The following CYTH1 variants were observed in gnomAD, a reference collection of about 807,000 sequenced individuals.
The protein encoded by CYTH1 is cytohesin 1.
In CYTH1, 18 loss-of-function variants were observed where a neutral mutation model predicts 61.8. That is an observed-to-expected ratio of 0.29 (90% CI 0.20 to 0.43). The LOEUF is 0.43. Ranked by LOEUF, CYTH1 falls within the 20% of genes least tolerant of loss-of-function variation. The pLI, the probability that CYTH1 is intolerant of heterozygous loss-of-function variation, is 1.00. For synonymous variants in CYTH1, 174 were observed against 184.3 expected (o/e 0.94, Z 0.45); for missense variants, 336 against 510.5 (o/e 0.66, Z 3.29).
At chr17:78,698,204 C>T (rs1023999011) in intron 9 of CYTH1, 65 bp downstream of exon 9, 33 of 1,347,746 alleles carry the variant, frequency 2.4e-5, no homozygotes, top group Admixed American at 8.7e-5. Context: ...CACGCACACA[C>T]GCACACACAC....
At chr17:78,780,072 A>G (rs548273394) in intron 1 of CYTH1, among the ~76,000 whole-genome samples, 1 of 152,382 alleles carries the variant, frequency 6.6e-6, no homozygotes, top group East Asian at 1.9e-4. Context: ...GGTAGGCAGG[A>G]CACTGGGATC....
At chr17:78,719,480 G>C (rs946788887) in intron 1 of CYTH1, among the ~76,000 whole-genome samples, 1 of 152,140 alleles carries the variant, frequency 6.6e-6, no homozygotes, top group African/African-American at 2.4e-5. Context: ...GATCATTACT[G>C]CAAGTGGAGA....
chr17:78,709,764 G>T, intron 1 of CYTH1, 32 bp from the exon 2 acceptor site: 1 of 1,606,246 alleles, frequency 6.2e-7, no homozygotes, highest in Non-Finnish European at 8.5e-7. Flanking sequence ...TTACAAGAAA[G>T]CTTTTATCTC....
intron 1 of CYTH1, among the ~76,000 whole-genome samples, chr17:78,748,543 T>C (rs1323420027): frequency 1.3e-5 from 2 of 152,228 alleles, no homozygotes; most frequent in Admixed American, 6.5e-5. Context: ...TTTTATTACT[T>C]GAGAGAATAC....
chr17:78,701,993 A>C lies in CYTH1; in HGVS notation c.356+129T>G, dbSNP rs527245127. 1.1e-4 allele frequency: 94 copies of C among 830,186 alleles called. No individual in the cohort carries two copies. In the African/African-American group the frequency reaches 1.4e-3, roughly 12 times the overall value. 51.4% of individuals were successfully genotyped at this position (830,186 alleles called of 1,614,324 possible). On this transcript the variant is annotated intron_variant, in intron 5 of 13. Transcript: ENST00000446868. ...TATTCCCCAGAAAAGCCTCCCCTCA[A>C]CTCCAGTGGGGCTACAGATGCTTTA...
At chr17:78,719,939 G>A (rs1017626190) in intron 1 of CYTH1, among the ~76,000 whole-genome samples, 1 of 152,144 alleles carries the variant, frequency 6.6e-6, no homozygotes, top group African/African-American at 2.4e-5. Flanking sequence ...AAAAAGGAAG[G>A]AAATTCTGAT....
chr17:78,725,888 A>AGGC (rs1487213224), intron 1 of CYTH1, among the ~76,000 whole-genome samples: 1 of 152,202 alleles, frequency 6.6e-6, no homozygotes, highest in Non-Finnish European at 1.5e-5. Flanking sequence ...TGAACAAAAC[A>AGGC]GATGCCACAA....
chr17:78,752,577 T>C (rs2093384656), intron 1 of CYTH1, among the ~76,000 whole-genome samples: 2 of 152,042 alleles, frequency 1.3e-5, no homozygotes, highest in Admixed American at 6.6e-5. Context: ...AGACTACAGG[T>C]GCGCGCCACC....
In CYTH1 at chr17:78,757,118, T is replaced by C. The variant is rs369495651; in HGVS notation, c.22+25084A>G. ...GCCCGCCACCATACCCAGCTAATTT[T>C]TTCATACTTTTAGTAGAGACAAGGT... On this transcript the variant is annotated intron_variant, in intron 1 of 13. Coordinates refer to ENST00000446868, the MANE Select transcript of CYTH1 (RefSeq NM_004762.6). Among the ~76,000 whole-genome samples, 17 of 152,046 alleles carry C rather than the reference T, an allele frequency of 1.1e-4. No individual in the cohort carries two copies. In the East Asian group the frequency reaches 1.9e-3, roughly 17 times the overall value.
At chr17:78,771,729 T>TAAAAAAAAAAAAAA (rs752607880) in intron 1 of CYTH1, among the ~76,000 whole-genome samples, 1 of 117,820 alleles carries the variant, frequency 8.5e-6, no homozygotes. Flanking sequence ...GATTCCATCT[T>TAAAAAAAAAAAAAA]AAAAAAAAAA....
chr17:78,714,503 G>A (rs1489509739), intron 1 of CYTH1, among the ~76,000 whole-genome samples: 1 of 152,144 alleles, frequency 6.6e-6, no homozygotes, highest in Non-Finnish European at 1.5e-5. Context: ...TGTTGTGTTT[G>A]TGGTACTCAG....
intron 1 of CYTH1, among the ~76,000 whole-genome samples, chr17:78,731,264 C>A (rs1348424304): frequency 6.6e-6 from 1 of 152,154 alleles, no homozygotes; most frequent in Non-Finnish European, 1.5e-5. Flanking sequence ...ATTTGCAGAA[C>A]TGACCAGGGC....
intron 3 of CYTH1, among the ~76,000 whole-genome samples, chr17:78,703,777 C>T (rs2093037560): frequency 6.6e-6 from 1 of 152,198 alleles, no homozygotes; most frequent in African/African-American, 2.4e-5. Flanking sequence ...TGCCTTCTTG[C>T]TGCTGGGTCA....
chr17:78,727,206 G>A (rs892093006), intron 1 of CYTH1, among the ~76,000 whole-genome samples: 2 of 152,136 alleles, frequency 1.3e-5, no homozygotes, highest in Non-Finnish European at 2.9e-5. Context: ...AAATCACCTG[G>A]GCCACAGGCT....
intron 1 of CYTH1, among the ~76,000 whole-genome samples, chr17:78,746,025 T>G (rs1333556413): frequency 1.3e-5 from 2 of 152,252 alleles, no homozygotes; most frequent in African/African-American, 4.8e-5. Context: ...AGGGCTTTGT[T>G]AATATCAACA....
At position 78,760,511 on chromosome 17, in the gene CYTH1, A is replaced by G. The variant is rs1234596010; in HGVS notation, c.22+21691T>C. Among the ~76,000 whole-genome samples the G allele has an allele frequency of 3.6e-4, 18 of 50,464 alleles. 4 individuals carry two copies. The highest frequency in any genetic ancestry group is 1.3e-3 in the African/African-American group (15 of 11,946). The allele number at this position is 50,464 out of a possible 152,430, so 33.1% of individuals were successfully genotyped here. On this transcript the variant is annotated intron_variant, in intron 1 of 13. Coordinates refer to ENST00000446868, the MANE Select transcript of CYTH1 (RefSeq NM_004762.6). The stretch of plus-strand genomic sequence containing the variant: ...TATATATATATACATATATATGTAT[A>G]TATATGTATATATATATATACATAC...
intron 1 of CYTH1, among the ~76,000 whole-genome samples, chr17:78,733,327 A>G (rs2144605482): frequency 6.6e-6 from 1 of 152,304 alleles, no homozygotes; most frequent in South Asian, 2.1e-4. Flanking sequence ...ATTTCCTGAC[A>G]ATGAACTATA....
intron 3 of CYTH1, among the ~76,000 whole-genome samples, chr17:78,705,458 G>C (rs978944636): frequency 2.0e-5 from 3 of 152,150 alleles, no homozygotes; most frequent in African/African-American, 7.2e-5. Context: ...ACTGCTACTG[G>C]ATCGCCTTAG....
Position 78,700,424 on chromosome 17 carries a change from G to A in CYTH1, c.457C>T (p.Arg153Trp), listed in dbSNP as rs748215703. The A allele has an allele frequency of 1.2e-5, 19 of 1,612,654 alleles. No individual in the cohort carries two copies. Among genetic ancestry groups the A allele is most frequent in the East Asian group, 2.2e-5 (1 of 44,832 alleles). Residue 153 changes from arginine (R) to tryptophan (W), a missense_variant, in exon 7 of 14, where the codon CGG (arginine) becomes TGG (tryptophan). Coordinates refer to ENST00000446868, the MANE Select transcript of CYTH1 (RefSeq NM_004762.6). This position sits in a 1 kb window ranked among gnomAD's most constrained non-coding sequence, Gnocchi z 5.1. ...ATCTTCTGGGCCTCTCCGGGTAGCC[G>A]GAAGCTCCACAGGAACTGCCTGAGT... ...QALRQFLWSF[R>W]LPGEAQKIDR...
Sources: allele counts gnomAD v4.1 joint callset (sites outside exome capture counted in the v4.1 genomes callset), GRCh38; gene constraint gnomAD v4.1.1; non-coding constraint Gnocchi (gnomAD v3.1); transcripts MANE v1.5; gene names NCBI Gene and HGNC (gene_info 2026-07-23, HGNC 2026-07-21).